The following FILIP1L variants were observed in gnomAD, a reference collection of about 807,000 sequenced individuals.
The protein encoded by FILIP1L is filamin A-interacting protein 1-like.
In FILIP1L, 55 loss-of-function variants were observed where a neutral mutation model predicts 96.6. The ratio of observed to expected loss-of-function variants is 0.57; its 90% CI spans 0.46 to 0.71. FILIP1L has a LOEUF of 0.71. FILIP1L is among the 30% of genes least tolerant of loss of function. FILIP1L has a pLI of 0.00. For synonymous variants in FILIP1L, 467 were observed against 473.9 expected, an observed-to-expected ratio of 0.99 and a Z score of 0.19; for missense variants, 1,304 against 1,321.2, an observed-to-expected ratio of 0.99 and a Z score of 0.20.
At chr3:100,033,087 A>G (rs943123627) in intron 1 of FILIP1L, among the ~76,000 whole-genome samples, 2 of 152,102 alleles carry the variant, frequency 1.3e-5, no homozygotes, top group African/African-American at 4.8e-5. Flanking sequence ...ATTCAGGAAA[A>G]CTATCTTCAA....
At chr3:99,900,772 G>A (rs1706410096) in intron 4 of FILIP1L, among the ~76,000 whole-genome samples, 1 of 152,218 alleles carries the variant, frequency 6.6e-6, no homozygotes, top group Non-Finnish European at 1.5e-5. Context: ...TTTTAGCACA[G>A]TTGCTGTTTC....
At chr3:99,847,303 T>C (rs984330310) in intron 5 of FILIP1L, among the ~76,000 whole-genome samples, 2 of 151,304 alleles carry the variant, frequency 1.3e-5, no homozygotes, top group African/African-American at 4.8e-5. Flanking sequence ...TAATTCAAAC[T>C]GTTTTGGGAA....
rs188891889 is a variant in FILIP1L at position 99,988,387 on chromosome 3, C to T, written c.-10-57357G>A. Among the ~76,000 whole-genome samples the T allele has an allele frequency of 2.5e-4, 37 of 149,282 alleles. No individual in the cohort carries two copies. In the East Asian group the frequency reaches 7.0e-3, roughly 28 times the overall value. On this transcript the variant is annotated intron_variant, in intron 1 of 5. Transcript: ENST00000477258. ...AATTAGCCAGGCATGGTGGCATGTGCCTGTAGTCCCAGCTACTCAGAGGCT... is the reference window on the plus strand; with the variant it reads ...AATTAGCCAGGCATGGTGGCATGTGTCTGTAGTCCCAGCTACTCAGAGGCT...
chr3:100,023,801 G>A (rs1367886723), intron 1 of FILIP1L, among the ~76,000 whole-genome samples: 1 of 152,102 alleles, frequency 6.6e-6, no homozygotes, highest in Non-Finnish European at 1.5e-5. Context: ...TTACTCTCAG[G>A]AAAGCAAAGC....
intron 1 of FILIP1L, among the ~76,000 whole-genome samples, chr3:100,113,586 GAA>G (rs1394767635): frequency 1.3e-5 from 2 of 152,138 alleles, no homozygotes; most frequent in African/African-American, 4.8e-5. Context: ...ATCTTTCCAT[GAA>G]AAGAGAATTC....
chr3:99,842,106 G>A (rs748515503), intron 5 of FILIP1L, among the ~76,000 whole-genome samples: 4 of 152,084 alleles, frequency 2.6e-5, no homozygotes, highest in Admixed American at 6.5e-5. Flanking sequence ...GTCAATGAGC[G>A]GATAAAGAAA....
At chr3:100,093,878 G>GT (rs1259865400) in intron 1 of FILIP1L, among the ~76,000 whole-genome samples, 4 of 152,128 alleles carry the variant, frequency 2.6e-5, no homozygotes, top group African/African-American at 4.8e-5. Context: ...GGACATCTGA[G>GT]TTTTTTCCAT....
chr3:99,843,333 G>A (rs895580526), intron 5 of FILIP1L, among the ~76,000 whole-genome samples: 2 of 152,128 alleles, frequency 1.3e-5, no homozygotes, highest in Non-Finnish European at 2.9e-5. Flanking sequence ...TTATAAAACC[G>A]GGAATCTTCC....
chr3:100,097,605 T>C (rs1257202583), intron 1 of FILIP1L, among the ~76,000 whole-genome samples: 1 of 152,216 alleles, frequency 6.6e-6, no homozygotes, highest in Non-Finnish European at 1.5e-5. Context: ...TGGATTTACA[T>C]CTAAAAGTGA....
intron 1 of FILIP1L, among the ~76,000 whole-genome samples, chr3:100,028,992 T>C (rs2064976874): frequency 6.6e-6 from 1 of 152,138 alleles, no homozygotes; most frequent in African/African-American, 2.4e-5. Context: ...GAGCAGTTAC[T>C]TGAGCACCTA....
At chr3:100,006,458 C>T (rs969305061) in intron 1 of FILIP1L, among the ~76,000 whole-genome samples, 2 of 152,018 alleles carry the variant, frequency 1.3e-5, no homozygotes, top group African/African-American at 4.8e-5. Flanking sequence ...TCCTATCTTT[C>T]AGTGCTTTTC....
chr3:100,057,180 G>A (rs1418371859), intron 1 of FILIP1L, among the ~76,000 whole-genome samples: 2 of 152,270 alleles, frequency 1.3e-5, no homozygotes, highest in East Asian at 1.9e-4. Flanking sequence ...TGCCTGCCAC[G>A]TGGCTTCTCT....
intron 1 of FILIP1L, among the ~76,000 whole-genome samples, chr3:100,065,101 A>G (rs963617425): frequency 2.0e-5 from 3 of 152,186 alleles, no homozygotes; most frequent in African/African-American, 7.2e-5. Context: ...CTGAATTATA[A>G]GACAGTATGG....
chr3:99,971,062 G>T (rs994399568), intron 1 of FILIP1L, among the ~76,000 whole-genome samples: 4 of 152,234 alleles, frequency 2.6e-5, no homozygotes, highest in East Asian at 3.8e-4. Context: ...TGGGGGCTGG[G>T]CGTGGTGGCT....
chr3:100,092,934 A>G (rs756679385), intron 1 of FILIP1L, among the ~76,000 whole-genome samples: 4 of 151,886 alleles, frequency 2.6e-5, no homozygotes, highest in Non-Finnish European at 5.9e-5. Context: ...TATAAATATG[A>G]CATTCTCCTG....
intron 4 of FILIP1L, among the ~76,000 whole-genome samples, chr3:99,912,028 G>A (rs937267888): frequency 1.3e-5 from 2 of 151,896 alleles, no homozygotes; most frequent in Admixed American, 1.3e-4. Context: ...AATTTTTAGA[G>A]TGTTAAGAAC....
intron 4 of FILIP1L, among the ~76,000 whole-genome samples, chr3:99,912,935 T>C (rs1303822269): frequency 1.3e-5 from 2 of 152,186 alleles, no homozygotes; most frequent in Non-Finnish European, 2.9e-5. Context: ...CAAACTCTTA[T>C]GTTGAAATCA....
intron 1 of FILIP1L, among the ~76,000 whole-genome samples, chr3:100,079,894 T>C (rs1254154779): frequency 6.6e-6 from 1 of 152,220 alleles, no homozygotes; most frequent in Admixed American, 6.5e-5. Context: ...GTTGGGATTT[T>C]TTCTTTTTAT....
At chr3:99,982,082 G>T in intron 1 of FILIP1L, among the ~76,000 whole-genome samples, 1 of 152,028 alleles carries the variant, frequency 6.6e-6, no homozygotes, top group East Asian at 1.9e-4. Flanking sequence ...TTATACTTTT[G>T]TGACGGTTGT....
Sources: allele counts gnomAD v4.1 joint callset (sites outside exome capture counted in the v4.1 genomes callset), GRCh38; gene constraint gnomAD v4.1.1; transcripts MANE v1.5; gene names NCBI Gene and HGNC (gene_info 2026-07-23, HGNC 2026-07-21).